The following SCOC variants were observed in gnomAD, a reference collection of about 807,000 sequenced individuals.
The protein encoded by SCOC is short coiled-coil protein.
Under a neutral mutation model 9.9 loss-of-function variants are expected in SCOC, and 7 were observed. The observed-to-expected ratio is 0.71, with a 90% confidence interval of 0.40 to 1.33. SCOC has a LOEUF of 1.33. SCOC is among the 40% of genes most tolerant of loss of function. The pLI is 0.01. For synonymous variants in SCOC, 19 were observed against 28.2 expected (o/e 0.67, Z 1.03); for missense variants, 66 against 89.7 (o/e 0.74, Z 1.07).
At chr4:140,303,471 C>T (rs987522820) in intron 1 of SCOC, among the ~76,000 whole-genome samples, 1 of 152,200 alleles carries the variant, frequency 6.6e-6, no homozygotes, top group African/African-American at 2.4e-5. Flanking sequence ...ACTACAGAAG[C>T]CCCTGACCCT....
chr4:140,310,572 C>T (rs1732123580), intron 1 of SCOC, among the ~76,000 whole-genome samples: 1 of 152,204 alleles, frequency 6.6e-6, no homozygotes, highest in South Asian at 2.1e-4. Context: ...GGGAACCTTC[C>T]TTCTCCCTCG....
chr4:140,380,009 C>T (rs1180706301), intron 3 of SCOC, among the ~76,000 whole-genome samples: 1 of 152,004 alleles, frequency 6.6e-6, no homozygotes, highest in Non-Finnish European at 1.5e-5. Context: ...TGAATTTTTT[C>T]ATTTTCTAAA....
intron 2 of SCOC, among the ~76,000 whole-genome samples, chr4:140,346,547 G>C (rs1726748871): frequency 1.3e-5 from 2 of 152,158 alleles, no homozygotes; most frequent in Non-Finnish European, 1.5e-5. Flanking sequence ...TCTTGAGAAG[G>C]TTTGTTTGAG....
At chr4:140,327,741 C>T (rs778225063) in intron 1 of SCOC, among the ~76,000 whole-genome samples, 1 of 152,246 alleles carries the variant, frequency 6.6e-6, no homozygotes, top group Non-Finnish European at 1.5e-5. Flanking sequence ...AGTAATCCAA[C>T]ACTTTGCTGT....
intron 1 of SCOC, among the ~76,000 whole-genome samples, chr4:140,318,018 G>C (rs1158905329): frequency 1.3e-5 from 2 of 151,632 alleles, no homozygotes; most frequent in Non-Finnish European, 2.9e-5. Flanking sequence ...TCCCTACAAA[G>C]GACATGAACT....
intron 1 of SCOC, among the ~76,000 whole-genome samples, chr4:140,308,684 G>A (rs552533861): frequency 1.4e-4 from 21 of 152,298 alleles, no homozygotes; most frequent in Non-Finnish European, 2.1e-4. Flanking sequence ...GAGTTGATGC[G>A]TCATCCTCCT....
intron 1 of SCOC, among the ~76,000 whole-genome samples, chr4:140,277,794 T>C (rs554851390): frequency 1.2e-4 from 19 of 152,214 alleles, no homozygotes; most frequent in Non-Finnish European, 2.1e-4. Flanking sequence ...AGAGGATGCA[T>C]GTTTGTTTCT....
intron 1 of SCOC, among the ~76,000 whole-genome samples, chr4:140,297,903 A>G (rs1026742026): frequency 2.6e-5 from 4 of 152,182 alleles, no homozygotes; most frequent in East Asian, 1.9e-4. Flanking sequence ...ACAGGTATCA[A>G]TTTCATTCCA....
At chr4:140,366,354 G>T in intron 2 of SCOC, 1 of 1,257,010 alleles carries the variant, frequency 8.0e-7, no homozygotes, top group Non-Finnish European at 1.1e-6. Flanking sequence ...AAGCTTCTAA[G>T]CTGGAGCCTT....
chr4:140,374,003 C>T, intron 1 of SCOC: 1 of 607,146 alleles, frequency 1.6e-6, no homozygotes, highest in Non-Finnish European at 3.1e-6. Context: ...AGCTTTCTCC[C>T]CGCAGCTCCT....
Position 140,379,209 on chromosome 4 carries a change from C to CT in SCOC, c.22+23dup. ...ACATGGATGGTATGTTCTTCATTTT[C>CT]TTTTTTGTATACTCCTGGTTTTGTG... On this transcript the variant is annotated intron_variant, in intron 2 of 3. Coordinates refer to ENST00000608372, the MANE Select transcript of SCOC (RefSeq NM_001153484.2). The CT allele has an allele frequency of 6.5e-7, 1 of 1,543,868 alleles. No homozygotes were observed. The highest frequency in any genetic ancestry group is 9.0e-7 in the Non-Finnish European group (1 of 1,116,288).
At chr4:140,361,986 G>T (rs1727491759) in intron 2 of SCOC, among the ~76,000 whole-genome samples, 1 of 151,944 alleles carries the variant, frequency 6.6e-6, no homozygotes, top group Non-Finnish European at 1.5e-5. Flanking sequence ...TTCTTCTAAG[G>T]CTGAAGGGGA....
At chr4:140,258,092 G>A (rs1285958842) in intron 1 of SCOC, among the ~76,000 whole-genome samples, 1 of 152,190 alleles carries the variant, frequency 6.6e-6, no homozygotes, top group East Asian at 1.9e-4. Context: ...CACCTGCACA[G>A]CATAGTGGAC....
At chr4:140,362,838 G>C (rs1047304778) in intron 2 of SCOC, 2 of 152,152 alleles carry the variant, frequency 1.3e-5, no homozygotes, top group African/African-American at 4.8e-5. Flanking sequence ...GAAGGAGGAA[G>C]AAAAACAGGA....
intron 1 of SCOC, among the ~76,000 whole-genome samples, chr4:140,296,448 C>T (rs1731639071): frequency 6.6e-6 from 1 of 152,100 alleles, no homozygotes; most frequent in East Asian, 1.9e-4. Context: ...TCCCCAGGGG[C>T]GCCGTGCATG....
At chr4:140,377,648 T>C (rs1245910377) in intron 1 of SCOC, among the ~76,000 whole-genome samples, 4 of 152,342 alleles carry the variant, frequency 2.6e-5, no homozygotes, top group Non-Finnish European at 2.9e-5. Context: ...TTGAAGTTCA[T>C]GTTAGTATCT....
At chr4:140,332,909 A>G (rs528615993) in intron 1 of SCOC, among the ~76,000 whole-genome samples, 1 of 152,074 alleles carries the variant, frequency 6.6e-6, no homozygotes, top group South Asian at 2.1e-4. Context: ...TATTTTCTTC[A>G]CTACAGTCAG....
At chr4:140,355,351 G>C (rs1029566847) in intron 2 of SCOC, among the ~76,000 whole-genome samples, 5 of 151,502 alleles carry the variant, frequency 3.3e-5, no homozygotes, top group African/African-American at 1.2e-4. Context: ...TTATATGCCA[G>C]GCACTGTGCT....
intron 1 of SCOC, among the ~76,000 whole-genome samples, chr4:140,286,915 G>A (rs1351781659): frequency 1.3e-5 from 2 of 152,194 alleles, no homozygotes; most frequent in African/African-American, 4.8e-5. Context: ...CCCCCAGAGG[G>A]CTCCCTGACT....
Sources: gnomAD v4.1 joint callset for allele counts (sites outside exome capture counted in the v4.1 genomes callset) on GRCh38, gnomAD v4.1.1 for gene constraint, MANE v1.5 for transcripts, NCBI Gene and HGNC (gene_info 2026-07-23, HGNC 2026-07-21) for gene names.